Variants in ETV1 observed in about 807,000 individuals in gnomAD.
The protein encoded by ETV1 is ETS translocation variant 1.
Under a neutral mutation model 62.3 loss-of-function variants are expected in ETV1, and 27 were observed. The ratio of observed to expected loss-of-function variants is 0.43; its 90% CI spans 0.32 to 0.60. ETV1 has a LOEUF of 0.60. Ranked by LOEUF, ETV1 falls within the 20% of genes least tolerant of loss-of-function variation. ETV1 has a pLI of 0.06. For missense variants in ETV1, 605 were observed against 605.8 expected (o/e 1.00, Z 0.01); for synonymous variants, 222 against 199.6 (o/e 1.11, Z -0.94).
At chr7:13,929,540 T>C (rs1785844429) in intron 9 of ETV1, among the ~76,000 whole-genome samples, 1 of 152,194 alleles carries the variant, frequency 6.6e-6, no homozygotes, top group East Asian at 1.9e-4. Flanking sequence ...TTTGTCTCTC[T>C]TCCTATCCTT....
At chr7:13,959,029 G>T in intron 6 of ETV1, 1 of 145,518 alleles carries the variant, frequency 6.9e-6, no homozygotes, top group East Asian at 2.0e-4. Context: ...ACTCCAATCT[G>T]TGTTGATCTT....
At chr7:13,986,102 C>T (rs3823704) in intron 5 of ETV1, 822,081 of 1,545,574 alleles carry the variant, frequency 0.53, 221,880 homozygotes, top group African/African-American at 0.64. Context: ...ATTTCCTAAG[C>T]ATTAGATACA....
chr7:13,893,028 CTGT>C lies in ETV1; in HGVS notation c.*2835_*2837del, dbSNP rs1781484801. 8.6e-6 allele frequency: 2 copies of C among 232,722 alleles called. No individual in the cohort carries two copies. The highest frequency in any genetic ancestry group is 8.5e-6 in the Non-Finnish European group (1 of 117,794). 14.4% of individuals were successfully genotyped at this position (232,722 alleles called of 1,614,324 possible). A position where few individuals can be genotyped will look rare whatever the true frequency, so the allele number is the denominator to read the frequency against. ...CATGATTTGAGAAAAATGTTCTGCA[CTGT>C]CAGTCTTGTGGATTTTTATTCTGAA... is the stretch of plus-strand genomic sequence containing the variant. On this transcript the variant is annotated 3_prime_UTR_variant, in exon 14 of 14. Transcript: ENST00000430479.
rs1159395009 is a variant in ETV1, at chr7:13,931,642, G to A, written c.662C>T (p.Pro221Leu). 1 of 1,614,040 alleles carries A rather than the reference G, an allele frequency of 6.2e-7. No individual in the cohort carries two copies. Among genetic ancestry groups the A allele is most frequent in the Non-Finnish European group, 8.5e-7 (1 of 1,179,900 alleles). Residue 221 changes from proline (P) to leucine (L), a missense_variant, in exon 9 of 14, where the codon CCC becomes CTC. Pro to Leu is a moderately conservative substitution (Grantham distance 98). This residue lies in a region of ETV1 where 426 missense variants were observed against 377.8 expected (regional missense o/e 1.13). Transcript: ENST00000430479. ...CTGCTTAAAGCCTTGTGGTGGGAAG[G>A]GGATGTTTGGCTCAGACATCTGGCG... Reference protein sequence around the residue: ...YQRQMSEPNIPFPPQGFKQEY... With the variant: ...YQRQMSEPNILFPPQGFKQEY...
intron 6 of ETV1, among the ~76,000 whole-genome samples, chr7:13,963,758 G>C (rs1235678880): frequency 6.6e-6 from 1 of 151,996 alleles, no homozygotes; most frequent in Non-Finnish European, 1.5e-5. Context: ...AAGAGGATAG[G>C]TCTATATATT....
intron 6 of ETV1, among the ~76,000 whole-genome samples, chr7:13,943,888 A>T (rs567020262): frequency 1.3e-5 from 2 of 152,322 alleles, no homozygotes; most frequent in South Asian, 2.1e-4. Flanking sequence ...ACTCTGAGGG[A>T]CATTAATCAA....
At chr7:13,970,248 G>A (rs1484471019) in intron 6 of ETV1, among the ~76,000 whole-genome samples, 2 of 145,766 alleles carry the variant, frequency 1.4e-5, no homozygotes, top group Non-Finnish European at 3.0e-5. Flanking sequence ...GCGACAGAGC[G>A]AGACCCCATC....
chr7:13,931,755 G>T lies in ETV1; in HGVS notation c.555-6C>A. 1 of 1,612,826 alleles carries T rather than the reference G, an allele frequency of 6.2e-7. No homozygotes were observed. Among genetic ancestry groups the T allele is most frequent in the Non-Finnish European group, 8.5e-7 (1 of 1,178,910 alleles). ...CAGAAAGCTGGCGGCGAAATCTAGG[G>T]AATAAGAGAGTGTGTTTCAGATGAA... On this transcript the variant is annotated splice_region_variant and splice_polypyrimidine_tract_variant and intron_variant, in intron 8 of 13. Transcript: ENST00000430479.
intron 7 of ETV1, among the ~76,000 whole-genome samples, chr7:13,938,882 A>G (rs943521229): frequency 1.3e-5 from 2 of 152,234 alleles, no homozygotes; most frequent in Non-Finnish European, 2.9e-5. Context: ...AAGATGCATC[A>G]CTACAGTAGA....
chr7:13,981,528 C>T (rs984449276), intron 5 of ETV1, among the ~76,000 whole-genome samples: 6 of 128,514 alleles, frequency 4.7e-5, no homozygotes, highest in African/African-American at 1.6e-4. Context: ...TACATACATA[C>T]ATACATATAT....
intron 12 of ETV1, among the ~76,000 whole-genome samples, chr7:13,902,154 C>T (rs1019753479): frequency 1.3e-5 from 2 of 152,070 alleles, no homozygotes; most frequent in Admixed American, 6.6e-5. Flanking sequence ...GGCTAGGGAG[C>T]GCCTTCATTT....
chr7:13,907,631 T>C (rs761718928), intron 11 of ETV1, among the ~76,000 whole-genome samples: 4 of 152,126 alleles, frequency 2.6e-5, no homozygotes, highest in Non-Finnish European at 4.4e-5. Context: ...ACTGCTCACA[T>C]TGGGGATTGA....
chr7:13,930,484 G>C (rs1458944346), intron 9 of ETV1, among the ~76,000 whole-genome samples: 3 of 151,906 alleles, frequency 2.0e-5, no homozygotes, highest in Non-Finnish European at 4.4e-5. Context: ...AGCATGCCCG[G>C]TTAATTTTTT....
At chr7:13,950,889 C>T (rs1316926757) in intron 6 of ETV1, among the ~76,000 whole-genome samples, 1 of 141,152 alleles carries the variant, frequency 7.1e-6, no homozygotes, top group Admixed American at 7.5e-5. Context: ...AAACTGCTGG[C>T]TTCTCTAGGA....
intron 6 of ETV1, among the ~76,000 whole-genome samples, chr7:13,947,202 T>C (rs1431922996): frequency 6.6e-6 from 1 of 152,204 alleles, no homozygotes; most frequent in African/African-American, 2.4e-5. Flanking sequence ...TTAATGTAAA[T>C]CCAGAGAATG....
chr7:13,970,103 A>AC (rs2128492205), intron 6 of ETV1, among the ~76,000 whole-genome samples: 1 of 151,752 alleles, frequency 6.6e-6, no homozygotes, highest in African/African-American at 2.4e-5. Context: ...AAAAATACAA[A>AC]AAAAAAAATT....
At chr7:13,927,256 C>A (rs938634890) in intron 9 of ETV1, among the ~76,000 whole-genome samples, 3 of 151,998 alleles carry the variant, frequency 2.0e-5, no homozygotes, top group African/African-American at 2.4e-5. Flanking sequence ...TGAGACCAGC[C>A]TAGCCAACAT....
intron 6 of ETV1, among the ~76,000 whole-genome samples, chr7:13,960,346 G>A (rs1303173236): frequency 6.6e-6 from 1 of 152,062 alleles, no homozygotes; most frequent in Non-Finnish European, 1.5e-5. Flanking sequence ...CCTAAAAACA[G>A]TACATAAATT....
At chr7:13,919,651 AT>A (rs1217742702) in intron 9 of ETV1, among the ~76,000 whole-genome samples, 1 of 151,654 alleles carries the variant, frequency 6.6e-6, no homozygotes, top group Non-Finnish European at 1.5e-5. Context: ...TTCCTTGAAA[AT>A]TTTTTCAAGT....
Sources: gnomAD v4.1 joint callset for allele counts (sites outside exome capture counted in the v4.1 genomes callset) on GRCh38, gnomAD v4.1.1 for gene constraint, gnomAD v4.1.1 regional missense constraint, MANE v1.5 for transcripts, NCBI Gene and HGNC (gene_info 2026-07-23, HGNC 2026-07-21) for gene names.